LMNB1: variants seen among roughly 807,000 people sequenced by gnomAD.
The protein encoded by LMNB1 is lamin B1.
In LMNB1, 23 loss-of-function variants were observed where a neutral mutation model predicts 67.1. The ratio of observed to expected loss-of-function variants is 0.34; its 90% CI spans 0.25 to 0.49. LMNB1 has a LOEUF of 0.49. Among genes scored for constraint, LMNB1 ranks in the 20% least tolerant of loss-of-function variants. The pLI, the probability that LMNB1 is intolerant of heterozygous loss-of-function variation, is 0.99. For missense variants in LMNB1, 634 were observed against 746.5 expected (o/e 0.85, Z 1.76); for synonymous variants, 281 against 282.9 (o/e 0.99, Z 0.07).
chr5:126,817,875 G>A (rs1311995166), intron 5 of LMNB1, among the ~76,000 whole-genome samples: 2 of 152,222 alleles, frequency 1.3e-5, no homozygotes, highest in African/African-American at 4.8e-5. Context: ...GTCTTTTTGA[G>A]TTGTCACTTT....
intron 5 of LMNB1, among the ~76,000 whole-genome samples, chr5:126,812,684 T>C (rs1043568652): frequency 2.6e-5 from 4 of 152,146 alleles, no homozygotes; most frequent in African/African-American, 9.7e-5. Flanking sequence ...AAATCTTGTT[T>C]TGAATTTTCC....
At chr5:126,811,271 A>G (rs564751980) in intron 4 of LMNB1, among the ~76,000 whole-genome samples, 2 of 152,320 alleles carry the variant, frequency 1.3e-5, no homozygotes, top group East Asian at 1.9e-4. Context: ...CACATACACA[A>G]TAGTGTTATG....
chr5:126,777,774 C>T lies in LMNB1; in HGVS notation c.266C>T (p.Ala89Val), dbSNP rs772419119. 13 of 1,513,288 alleles carry T rather than the reference C, an allele frequency of 8.6e-6. No individual in the cohort carries two copies. In the East Asian group the frequency reaches 3.2e-4, roughly 37 times the overall value. 93.7% of individuals were successfully genotyped at this position (1,513,288 alleles called of 1,614,324 possible). Residue 89 changes from alanine (A) to valine (V), a missense_variant, in exon 1 of 11, where the codon GCG (alanine) becomes GTG (valine). Transcript: ENST00000261366. ...KALYETELAD[A>V]RRALDDTARE... ...CTCTACGAGACCGAGCTGGCCGACG[C>T]GCGACGCGCGCTCGACGACACGGCC...
intron 1 of LMNB1, among the ~76,000 whole-genome samples, chr5:126,788,257 C>T (rs1561736163): frequency 6.6e-6 from 1 of 151,888 alleles, no homozygotes; most frequent in Non-Finnish European, 1.5e-5. Flanking sequence ...TGTTAGTTGG[C>T]AATTTGAAGT....
chr5:126,812,591 C>G (rs1751604704), intron 5 of LMNB1, among the ~76,000 whole-genome samples: 1 of 152,108 alleles, frequency 6.6e-6, no homozygotes, highest in South Asian at 2.1e-4. Flanking sequence ...ACTCCATATA[C>G]TGCATTCAGA....
At chr5:126,779,139 C>A (rs983081984) in intron 1 of LMNB1, among the ~76,000 whole-genome samples, 1 of 152,144 alleles carries the variant, frequency 6.6e-6, no homozygotes, top group Non-Finnish European at 1.5e-5. Flanking sequence ...ATGTCCCTGT[C>A]CGAAGTCTCT....
intron 1 of LMNB1, among the ~76,000 whole-genome samples, chr5:126,781,583 T>A (rs1159587544): frequency 1.3e-5 from 2 of 151,916 alleles, no homozygotes; most frequent in Non-Finnish European, 2.9e-5. Flanking sequence ...ATTACAGGTG[T>A]GCACCACCAC....
chr5:126,782,860 ATCT>A (rs1200321632), intron 1 of LMNB1, among the ~76,000 whole-genome samples: 7 of 151,830 alleles, frequency 4.6e-5, no homozygotes, highest in African/African-American at 1.7e-4. Context: ...AAACATGCTA[ATCT>A]TCTTTAGGAG....
chr5:126,823,080 G>T (rs1751910516), intron 8 of LMNB1, among the ~76,000 whole-genome samples, 195 bp downstream of exon 8: 1 of 152,138 alleles, frequency 6.6e-6, no homozygotes, highest in East Asian at 1.9e-4. Flanking sequence ...ATGGACCTTT[G>T]AATTATTTTT....
intron 5 of LMNB1, among the ~76,000 whole-genome samples, chr5:126,812,903 G>T (rs1273380184): frequency 2.6e-5 from 4 of 151,668 alleles, no homozygotes; most frequent in Admixed American, 6.6e-5. Context: ...GCTAATTTTT[G>T]TATTTTTAGT....
At chr5:126,809,982 C>T (rs1180071749) in intron 3 of LMNB1, among the ~76,000 whole-genome samples, 198 bp from the exon 4 acceptor site, 1 of 147,136 alleles carries the variant, frequency 6.8e-6, no homozygotes, top group African/African-American at 2.5e-5. Context: ...TGAGATGCTA[C>T]CACTTCTGTC....
At chr5:126,835,042 A>AT (rs1317594539) in intron 10 of LMNB1, among the ~76,000 whole-genome samples, 15 of 152,240 alleles carry the variant, frequency 9.9e-5, no homozygotes, top group African/African-American at 3.6e-4. Context: ...TTAAGACTGC[A>AT]TTTTAAAATA....
In LMNB1 at chr5:126,784,422, C is replaced by G. The variant is rs187834745; in HGVS notation, c.359+6555C>G. On this transcript the variant is annotated intron_variant, in intron 1 of 10. Transcript: ENST00000261366. Reference sequence around the variant, plus strand: ...CCAGGCTGGAGTGCAGTGGTGCGATCTCGGCTCACTGCAACCTCCGCCCCT... The same window carrying G: ...CCAGGCTGGAGTGCAGTGGTGCGATGTCGGCTCACTGCAACCTCCGCCCCT... Among the ~76,000 whole-genome samples, 968 of 151,772 alleles carry G rather than the reference C, an allele frequency of 6.4e-3. 7 individuals carry two copies. The highest frequency in any genetic ancestry group is 0.016 in the African/African-American group (663 of 41,344).
rs70997314 is a variant in LMNB1, at chr5:126,795,933, C to CTTTTTTTTTTTTTTTTTTTTTTTT, written c.360-8827_360-8826insTTTTTTTTTTTTTTTTTTTTTTTT. 4.9e-5 allele frequency among the ~76,000 whole-genome samples: 4 copies of CTTTTTTTTTTTTTTTTTTTTTTTT among 82,084 alleles called. 1 individual carries two copies. Among genetic ancestry groups the CTTTTTTTTTTTTTTTTTTTTTTTT allele is most frequent in the African/African-American group, 1.8e-4 (4 of 22,136 alleles). 53.9% of individuals were successfully genotyped at this position (82,084 alleles called of 152,430 possible). A position where few individuals can be genotyped will look rare whatever the true frequency, so the allele number is the denominator to read the frequency against. ...GAGCCACTGCGCCTGGCCCAGGATG[C>CTTTTTTTTTTTTTTTTTTTTTTTT]TTTTTTTTTTTTTTTTGAGACGGAG... On this transcript the variant is annotated intron_variant, in intron 1 of 10. Coordinates refer to ENST00000261366, the MANE Select transcript of LMNB1 (RefSeq NM_005573.4).
intron 1 of LMNB1, among the ~76,000 whole-genome samples, chr5:126,785,675 A>G (rs990771488): frequency 6.6e-6 from 1 of 151,748 alleles, no homozygotes. Context: ...AAAAGGAGAA[A>G]ACACAAACAC....
chr5:126,785,780 G>A (rs1235345839), intron 1 of LMNB1, among the ~76,000 whole-genome samples: 4 of 152,120 alleles, frequency 2.6e-5, no homozygotes, highest in South Asian at 2.1e-4. Context: ...TTTGGAGGCC[G>A]AGGTGGGCGG....
At chr5:126,835,844 T>C (rs1336169513) in intron 10 of LMNB1, among the ~76,000 whole-genome samples, 2 of 152,150 alleles carry the variant, frequency 1.3e-5, no homozygotes, top group East Asian at 1.9e-4. Context: ...CCCAGCACTT[T>C]GGGAGGCCAA....
At position 126,781,559 on chromosome 5, in the gene LMNB1, C is replaced by T. The variant is rs189347482; in HGVS notation, c.359+3692C>T. Among the ~76,000 whole-genome samples, 457 of 152,130 alleles carry T rather than the reference C, an allele frequency of 3.0e-3. 3 individuals carry two copies. Among genetic ancestry groups the T allele is most frequent in the African/African-American group, 0.011 (437 of 41,528 alleles). On this transcript the variant is annotated intron_variant, in intron 1 of 10. Coordinates refer to ENST00000261366, the MANE Select transcript of LMNB1 (RefSeq NM_005573.4). ...TCAAGCGATGCTCTTGACCCAGCCT[C>T]CCAAGTAGCTGGGATTACAGGTGTG...
rs549106239 is a variant in LMNB1, at chr5:126,787,608, TG to T, written c.359+9743del. ...TGTTGTTGCCCAGGCTGGAGTGCAA[TG>T]GTGTGGTCTCGGCTCACTGCAAGCT... On this transcript the variant is annotated intron_variant, in intron 1 of 10. Transcript: ENST00000261366. Among the ~76,000 whole-genome samples, 16 of 141,242 alleles carry T rather than the reference TG, an allele frequency of 1.1e-4. No individual in the cohort carries two copies. The South Asian group carries it at 3.4e-3, about 30-fold the overall frequency. The allele number at this position is 141,242 out of a possible 152,430, so 92.7% of individuals were successfully genotyped here.
Sources: gnomAD v4.1 joint callset for allele counts (sites outside exome capture counted in the v4.1 genomes callset) on GRCh38, gnomAD v4.1.1 for gene constraint, MANE v1.5 for transcripts, NCBI Gene and HGNC (gene_info 2026-07-23, HGNC 2026-07-21) for gene names.